DDRGK1: variants seen among roughly 807,000 people sequenced by gnomAD.
DDRGK1 encodes the protein DDRGK domain containing 1.
Under a neutral mutation model 45.8 loss-of-function variants are expected in DDRGK1, and 38 were observed. That is an observed-to-expected ratio of 0.83 (90% CI 0.64 to 1.09). The LOEUF is 1.09. Among genes scored for constraint, DDRGK1 ranks in the 50% least tolerant of loss-of-function variants. The pLI is 0.00. For synonymous variants in DDRGK1, 171 were observed against 168.7 expected (o/e 1.01, Z -0.11); for missense variants, 403 against 419.9 (o/e 0.96, Z 0.35).
At chr20:3,191,566 G>GTTT in intron 7 of DDRGK1, 199 bp downstream of exon 7, 1 of 696,646 alleles carries the variant, frequency 1.4e-6, no homozygotes, top group Non-Finnish European at 2.5e-6. Context: ...TGGGGTTTGG[G>GTTT]TTTTTTTTTT....
chr20:3,192,937 A>G (rs985634320), intron 6 of DDRGK1, among the ~76,000 whole-genome samples: 6 of 152,182 alleles, frequency 3.9e-5, no homozygotes, highest in African/African-American at 1.4e-4. Flanking sequence ...TGACGTGGTC[A>G]GCTGGTCTCT....
At chr20:3,195,154 G>C in intron 5 of DDRGK1, 77 bp downstream of exon 5, 1 of 1,606,332 alleles carries the variant, frequency 6.2e-7, no homozygotes, top group Non-Finnish European at 8.5e-7. Flanking sequence ...CGTCTGGGAT[G>C]GGGTGGCTAG....
In DDRGK1 at chr20:3,190,607, C is replaced by G; in HGVS notation, c.*46G>C. ...GGTGGGGAGGGATGAAGATGTATAGCCAGGTAGGCCACACCAACTCTGAGT... is the reference window on the plus strand; with the variant it reads ...GGTGGGGAGGGATGAAGATGTATAGGCAGGTAGGCCACACCAACTCTGAGT... On this transcript the variant is annotated 3_prime_UTR_variant, in exon 9 of 9. Transcript: ENST00000354488. 1 of 1,603,966 alleles carries G rather than the reference C, an allele frequency of 6.2e-7. No homozygotes were observed.
intron 6 of DDRGK1, among the ~76,000 whole-genome samples, chr20:3,194,320 T>C (rs2067000862): frequency 6.6e-6 from 1 of 152,210 alleles, no homozygotes; most frequent in African/African-American, 2.4e-5. Flanking sequence ...AGGATGTGCT[T>C]ATGCAACCTG....
At chr20:3,194,939 G>C (rs1461537996) in intron 5 of DDRGK1, 71 bp from the exon 6 acceptor site, 1 of 1,582,874 alleles carries the variant, frequency 6.3e-7, no homozygotes. Flanking sequence ...ATTCACCCAA[G>C]TACCACCTGC....
Position 3,195,279 on chromosome 20 carries a change from G to A in DDRGK1, c.585C>T (p.Ala195=), listed in dbSNP as rs2067005255. 6.2e-7 allele frequency: 1 copy of A among 1,613,866 alleles called. No homozygotes were observed. The highest frequency in any genetic ancestry group is 1.3e-5 in the African/African-American group (1 of 75,016). ...CTACGCCTTCCTCCTCCACCACAAA[G>A]GCCTCCTTCAGTTTCAGGTACTCCT... ...EHEEYLKLKE[A]FVVEEEGVGE... Residue 195 remains alanine, a synonymous_variant, in exon 5 of 9, where the codon GCC becomes GCT. Transcript: ENST00000354488.
At chr20:3,202,330 G>T (rs969246156) in intron 2 of DDRGK1, among the ~76,000 whole-genome samples, 2 of 152,144 alleles carry the variant, frequency 1.3e-5, no homozygotes, top group Non-Finnish European at 2.9e-5. Flanking sequence ...GAACTCCAGA[G>T]TTCTCTGGCT....
chr20:3,200,466 C>A lies in DDRGK1; in HGVS notation c.296-12G>T. 1.3e-6 allele frequency: 2 copies of A among 1,558,792 alleles called. No individual in the cohort carries two copies. Among genetic ancestry groups the A allele is most frequent in the South Asian group, 2.4e-5 (2 of 84,480 alleles). ...TTCCTCCTCCTGGGCTGGGTATGGT[C>A]AAAGAAAGACAGTTCAGGTTCTGAC... On this transcript the variant is annotated splice_polypyrimidine_tract_variant and intron_variant, in intron 2 of 8. Transcript: ENST00000354488.
rs567128635 is a variant in DDRGK1 at position 3,197,399 on chromosome 20, A to G, written c.511-2046T>C. Among the ~76,000 whole-genome samples the G allele has an allele frequency of 1.6e-4, 25 of 152,262 alleles. 1 individual carries two copies. The highest frequency in any genetic ancestry group is 5.8e-4 in the African/African-American group (24 of 41,546). Reference sequence around the variant, plus strand: ...AAAGAAATACGGGAAGAGGGGAAAAAAACAGTCACATTACAGTGGAGAAAG... The same window carrying G: ...AAAGAAATACGGGAAGAGGGGAAAAGAACAGTCACATTACAGTGGAGAAAG... On this transcript the variant is annotated intron_variant, in intron 4 of 8. Coordinates refer to ENST00000354488, the MANE Select transcript of DDRGK1 (RefSeq NM_023935.3).
chr20:3,190,593 A>C lies in DDRGK1; in HGVS notation c.*60T>G, dbSNP rs2066985032. Reference sequence around the variant, plus strand: ...CACTTCCCCAGGATGGTGGGGAGGGATGAAGATGTATAGCCAGGTAGGCCA... The same window carrying C: ...CACTTCCCCAGGATGGTGGGGAGGGCTGAAGATGTATAGCCAGGTAGGCCA... On this transcript the variant is annotated 3_prime_UTR_variant, in exon 9 of 9. Coordinates refer to ENST00000354488, the MANE Select transcript of DDRGK1 (RefSeq NM_023935.3). 2 of 1,585,774 alleles carry C rather than the reference A, an allele frequency of 1.3e-6. No homozygotes were observed. Among genetic ancestry groups the C allele is most frequent in the South Asian group, 2.2e-5 (2 of 89,242 alleles).
chr20:3,195,080 G>A (rs6084289), intron 5 of DDRGK1, 151 bp downstream of exon 5: 1 of 1,409,088 alleles, frequency 7.1e-7, no homozygotes. Context: ...CTGAGGACAA[G>A]GCCTCTGGCC....
At chr20:3,191,626 G>T in intron 7 of DDRGK1, 139 bp downstream of exon 7, 1 of 1,002,078 alleles carries the variant, frequency 1.0e-6, no homozygotes, top group Non-Finnish European at 1.6e-6. Flanking sequence ...AGGGTGCCAG[G>T]AGACTTCTGT....
chr20:3,201,187 G>C (rs1022086569), intron 2 of DDRGK1, among the ~76,000 whole-genome samples: 15 of 151,880 alleles, frequency 9.9e-5, no homozygotes, highest in Non-Finnish European at 1.3e-4. Flanking sequence ...GGGAGGCTGA[G>C]GCAGGGGAAT....
rs542119663 is a variant in DDRGK1, at chr20:3,194,562, G to A, written c.672+268C>T. Among the ~76,000 whole-genome samples the A allele has an allele frequency of 2.0e-4, 30 of 152,346 alleles. No individual in the cohort carries two copies. The East Asian group carries it at 5.4e-3, about 27-fold the overall frequency. ...AAACACACTGACTCACTGAGCGTGGGGTCTGAAGAGCAGGGAAACTGTCAA... is the reference window on the plus strand; with the variant it reads ...AAACACACTGACTCACTGAGCGTGGAGTCTGAAGAGCAGGGAAACTGTCAA... On this transcript the variant is annotated intron_variant, in intron 6 of 8. Transcript: ENST00000354488.
intron 5 of DDRGK1, among the ~76,000 whole-genome samples, 161 bp from the exon 6 acceptor site, chr20:3,195,029 A>C (rs950634359): frequency 3.9e-5 from 6 of 152,242 alleles, no homozygotes; most frequent in Non-Finnish European, 5.9e-5. Context: ...CACAAGCAGC[A>C]GAGCCTTCCA....
chr20:3,199,318 C>A (rs949353830), intron 4 of DDRGK1, among the ~76,000 whole-genome samples: 1 of 152,124 alleles, frequency 6.6e-6, no homozygotes, highest in East Asian at 1.9e-4. Flanking sequence ...TTAAGCGGGA[C>A]CAATATTCAG....
At chr20:3,198,700 C>CAAAAA (rs151197280) in intron 4 of DDRGK1, among the ~76,000 whole-genome samples, 8 of 41,546 alleles carry the variant, frequency 1.9e-4, no homozygotes, top group East Asian at 5.8e-4. Flanking sequence ...AACTCCGTTT[C>CAAAAA]AAAAAAAAAA....
At chr20:3,198,576 T>G (rs2067022011) in intron 4 of DDRGK1, among the ~76,000 whole-genome samples, 2 of 150,254 alleles carry the variant, frequency 1.3e-5, no homozygotes, top group African/African-American at 4.9e-5. Context: ...GGCACATGCC[T>G]GTAATCCCAG....
Position 3,193,229 on chromosome 20 carries a change from C to T in DDRGK1, c.673-1408G>A, listed in dbSNP as rs561921930. 2.1e-3 allele frequency among the ~76,000 whole-genome samples: 324 copies of T among 152,270 alleles called. 1 individual carries two copies. The highest frequency in any genetic ancestry group is 3.5e-3 in the Non-Finnish European group (241 of 68,024). Reference sequence around the variant, plus strand: ...AAACGATGCTGGGTGCAGGCATGTTCCTCCAGTTCTGAAATCTTAAGGCAA... The same window carrying T: ...AAACGATGCTGGGTGCAGGCATGTTTCTCCAGTTCTGAAATCTTAAGGCAA... On this transcript the variant is annotated intron_variant, in intron 6 of 8. Transcript: ENST00000354488.
Sources: allele counts gnomAD v4.1 joint callset (sites outside exome capture counted in the v4.1 genomes callset), GRCh38; gene constraint gnomAD v4.1.1; transcripts MANE v1.5; gene names NCBI Gene and HGNC (gene_info 2026-07-23, HGNC 2026-07-21).